ABCC1: variants seen among roughly 807,000 people sequenced by gnomAD.
The protein encoded by ABCC1 is multidrug resistance-associated protein 1.
Under a neutral mutation model 172.9 loss-of-function variants are expected in ABCC1, and 83 were observed. The observed-to-expected ratio is 0.48, with a 90% confidence interval of 0.40 to 0.58. ABCC1 has a LOEUF of 0.58. Ranked by LOEUF, ABCC1 falls within the 20% of genes least tolerant of loss-of-function variation. ABCC1 has a pLI of 0.00. For missense variants in ABCC1, 1,817 were observed against 2,002.7 expected, an observed-to-expected ratio of 0.91 and a Z score of 1.77; for synonymous variants, 937 against 825.2, an observed-to-expected ratio of 1.14 and a Z score of -2.32.
intron 24 of ABCC1, among the ~76,000 whole-genome samples, chr16:16,124,375 G>A (rs1304980534): frequency 8.8e-5 from 8 of 90,622 alleles, no homozygotes; most frequent in African/African-American, 2.5e-4. Flanking sequence ...CACTACGCCC[G>A]GCTGTGTGTG....
Position 16,079,423 on chromosome 16 carries a change from T to G in ABCC1, c.2060T>G (p.Leu687Arg). ...CAGGTGGGCTGCGGAAAGTCGTCCC[T>G]GCTCTCAGCCCTCTTGGCTGAGATG... ...VGQVGCGKSS[L>R]LSALLAEMDK... is the part of the protein sequence containing the mutation. The change falls in exon 16 of 31, where the codon CTG becomes CGG. Residue 687 changes from leucine (L) to arginine (R), a missense_variant. By Grantham distance (102) the Leu-to-Arg change is moderately radical. Coordinates refer to ENST00000399410, the MANE Select transcript of ABCC1 (RefSeq NM_004996.4). 1 of 1,614,090 alleles carries G rather than the reference T, an allele frequency of 6.2e-7. No individual in the cohort carries two copies. The highest frequency in any genetic ancestry group is 8.5e-7 in the Non-Finnish European group (1 of 1,179,950).
At chr16:15,955,452 A>C (rs1172077877) in intron 1 of ABCC1, among the ~76,000 whole-genome samples, 1 of 151,930 alleles carries the variant, frequency 6.6e-6, no homozygotes, top group Non-Finnish European at 1.5e-5. Flanking sequence ...TTCTACTAAA[A>C]CCCTGCAGTA....
intron 1 of ABCC1, among the ~76,000 whole-genome samples, chr16:15,985,518 C>T (rs1375114651): frequency 6.6e-6 from 1 of 152,062 alleles, no homozygotes. Context: ...CATCTCGGCT[C>T]ACTGCATCTT....
intron 1 of ABCC1, among the ~76,000 whole-genome samples, chr16:15,976,129 T>C (rs988522544): frequency 2.6e-5 from 4 of 152,008 alleles, no homozygotes; most frequent in Admixed American, 2.6e-4. Flanking sequence ...TCAGGCGTGG[T>C]GATGGCACAT....
intron 1 of ABCC1, among the ~76,000 whole-genome samples, chr16:15,992,197 G>A (rs2046890005): frequency 6.6e-6 from 1 of 151,742 alleles, no homozygotes; most frequent in African/African-American, 2.4e-5. Flanking sequence ...CAGCTGAGAT[G>A]GGACCATCTA....
At chr16:16,075,197 G>A (rs1028499013) in intron 14 of ABCC1, among the ~76,000 whole-genome samples, 1 of 151,880 alleles carries the variant, frequency 6.6e-6, no homozygotes, top group African/African-American at 2.4e-5. Context: ...TGCCCGCCTC[G>A]GTCTCCCGAA....
chr16:15,970,484 G>A (rs775999491), intron 1 of ABCC1, among the ~76,000 whole-genome samples: 5 of 152,350 alleles, frequency 3.3e-5, no homozygotes, highest in Middle Eastern at 3.4e-3. Flanking sequence ...ATACTGGAGC[G>A]CAGCTAGCAG....
intron 10 of ABCC1, among the ~76,000 whole-genome samples, chr16:16,048,771 G>A (rs1248244219): frequency 1.3e-5 from 2 of 152,316 alleles, no homozygotes. Context: ...CAGATCACCT[G>A]AGATCAGGAG....
intron 1 of ABCC1, among the ~76,000 whole-genome samples, chr16:15,978,541 G>A (rs539994111): frequency 3.3e-5 from 5 of 152,170 alleles, no homozygotes; most frequent in African/African-American, 1.2e-4. Flanking sequence ...TTTTGTAATG[G>A]CCATTTATGG....
chr16:16,089,849 C>T (rs919717729), intron 18 of ABCC1, among the ~76,000 whole-genome samples: 1 of 149,868 alleles, frequency 6.7e-6, no homozygotes, highest in Non-Finnish European at 1.5e-5. Flanking sequence ...CCACTGCACT[C>T]CAGCCTGGAC....
intron 13 of ABCC1, among the ~76,000 whole-genome samples, chr16:16,070,282 C>A (rs917887025): frequency 1.3e-5 from 2 of 151,940 alleles, no homozygotes; most frequent in African/African-American, 4.8e-5. Context: ...GCAGAAGGAT[C>A]GCTTGAGCCT....
At chr16:16,030,693 T>A (rs987394198) in intron 5 of ABCC1, among the ~76,000 whole-genome samples, 2 of 151,626 alleles carry the variant, frequency 1.3e-5, no homozygotes, top group Admixed American at 1.3e-4. Flanking sequence ...TTGTCCGGTG[T>A]GACAAGATGT....
rs557992387 is a variant in ABCC1 at position 16,064,378 on chromosome 16, CTG to C, written c.1678-3775_1678-3774del. Among the ~76,000 whole-genome samples the C allele has an allele frequency of 1.9e-4, 29 of 152,316 alleles. No individual in the cohort carries two copies. The East Asian group carries it at 2.7e-3, about 14-fold the overall frequency. On this transcript the variant is annotated intron_variant, in intron 12 of 30. Transcript: ENST00000399410. ...TGTTAAAGCCTGTGCTTCCACTAGA[CTG>C]TGCGTCTCAGGGTTGCCAAGCCCAC...
chr16:16,015,539 A>G (rs1031407839), intron 4 of ABCC1, among the ~76,000 whole-genome samples: 5 of 152,184 alleles, frequency 3.3e-5, no homozygotes, highest in East Asian at 1.9e-4. Flanking sequence ...ACATTTGACT[A>G]TTGATTGCCT....
rs778820481 is a variant in ABCC1, at chr16:16,016,573, C to G, written c.567C>G (p.Ser189=). ...TCTTACTCATTCAGCTCGTCTTGTCCTGTTTCTCAGATCGCTCACCCCTGT... is the reference window on the plus strand; with the variant it reads ...TCTTACTCATTCAGCTCGTCTTGTCGTGTTTCTCAGATCGCTCACCCCTGT... ...FSLLLIQLVL[S]CFSDRSPLFS... is the part of the protein sequence containing the mutation. The change falls in exon 5 of 31, where the codon TCC becomes TCG. Residue 189 remains serine, a synonymous_variant. Coordinates refer to ENST00000399410, the MANE Select transcript of ABCC1 (RefSeq NM_004996.4). 2 of 1,614,162 alleles carry G rather than the reference C, an allele frequency of 1.2e-6. No homozygotes were observed. The highest frequency in any genetic ancestry group is 1.7e-6 in the Non-Finnish European group (2 of 1,180,024).
At chr16:16,094,814 CTTTTTTTTT>C (rs895974418) in intron 19 of ABCC1, among the ~76,000 whole-genome samples, 1 of 120,636 alleles carries the variant, frequency 8.3e-6, no homozygotes, top group Admixed American at 8.5e-5. Flanking sequence ...TGCGCCTGGC[CTTTTTTTTT>C]TTTTTTTTTT....
intron 1 of ABCC1, among the ~76,000 whole-genome samples, chr16:15,950,763 C>T (rs1355730369): frequency 1.3e-5 from 2 of 152,110 alleles, no homozygotes; most frequent in East Asian, 1.9e-4. Flanking sequence ...GTTTCTCTCT[C>T]CTCTTTTGTT....
At position 16,086,766 on chromosome 16, in the gene ABCC1, C is replaced by T. The variant is rs562143747; in HGVS notation, c.2293-58C>T. 4.9e-4 allele frequency: 775 copies of T among 1,585,854 alleles called. 4 individuals carry two copies. Among genetic ancestry groups the T allele is most frequent in the Non-Finnish European group, 2.6e-4 (303 of 1,162,258 alleles). On this transcript the variant is annotated intron_variant, in intron 17 of 30. Transcript: ENST00000399410. ...TCACACCACACTCGGCCTGCTTCTA[C>T]GTATTGTGAGTCTCAAGATTTCCCA...
intron 10 of ABCC1, among the ~76,000 whole-genome samples, chr16:16,052,445 T>C (rs2049470424): frequency 6.6e-6 from 1 of 151,698 alleles, no homozygotes; most frequent in East Asian, 1.9e-4. Flanking sequence ...AAAAAAAAAT[T>C]AGAATCCTGC....
Sources: allele counts gnomAD v4.1 joint callset (sites outside exome capture counted in the v4.1 genomes callset), GRCh38; gene constraint gnomAD v4.1.1; transcripts MANE v1.5; gene names NCBI Gene and HGNC (gene_info 2026-07-23, HGNC 2026-07-21).